Variants in NKAIN2 observed in about 807,000 individuals in gnomAD.
NKAIN2 encodes sodium/potassium-transporting ATPase subunit beta-1-interacting protein 2.
Under a neutral mutation model 32.6 loss-of-function variants are expected in NKAIN2, and 14 were observed. That is an observed-to-expected ratio of 0.43 (90% CI 0.28 to 0.67). The LOEUF (loss-of-function observed/expected upper bound fraction) is 0.67, where lower values mean the gene tolerates loss of function less well. NKAIN2 is among the 30% of genes least tolerant of loss of function. The pLI, the probability that NKAIN2 is intolerant of heterozygous loss-of-function variation, is 0.17. For synonymous variants in NKAIN2, 80 were observed against 87.2 expected, an observed-to-expected ratio of 0.92 and a Z score of 0.46; for missense variants, 198 against 258.3, an observed-to-expected ratio of 0.77 and a Z score of 1.60.
At chr6:124,353,096 TG>T (rs1407038089) in intron 2 of NKAIN2, among the ~76,000 whole-genome samples, 1 of 152,158 alleles carries the variant, frequency 6.6e-6, no homozygotes, top group East Asian at 1.9e-4. Flanking sequence ...GAGGGAAGAA[TG>T]GGTTCTGAAT....
Position 124,282,127 on chromosome 6 carries a change from G to A in NKAIN2, c.55-878G>A, listed in dbSNP as rs77273349. The A allele has an allele frequency of 3.9e-3, 935 of 242,770 alleles. 10 individuals carry two copies. The highest frequency in any genetic ancestry group is 0.021 in the African/African-American group (872 of 42,126). 15.0% of individuals were successfully genotyped at this position (242,770 alleles called of 1,614,324 possible). A position where few individuals can be genotyped will look rare whatever the true frequency, so the allele number is the denominator to read the frequency against. On this transcript the variant is annotated intron_variant, in intron 1 of 6. Coordinates refer to ENST00000368417, the MANE Select transcript of NKAIN2 (RefSeq NM_001040214.3). The stretch of plus-strand genomic sequence containing the variant: ...CTTTGGGATGTAAAATGGTACTTCC[G>A]GACTACCCACTAATCTCAGTTTGTT...
At chr6:124,247,250 A>G (rs926061468) in intron 1 of NKAIN2, among the ~76,000 whole-genome samples, 2 of 152,070 alleles carry the variant, frequency 1.3e-5, no homozygotes, top group Non-Finnish European at 2.9e-5. Flanking sequence ...CACCCCTGTG[A>G]TGTTTCTTTT....
intron 4 of NKAIN2, among the ~76,000 whole-genome samples, chr6:124,710,961 G>T (rs1467436145): frequency 1.3e-5 from 2 of 150,450 alleles, no homozygotes; most frequent in African/African-American, 4.9e-5. Context: ...TTTTGCAGTG[G>T]CTGGTACGGG....
chr6:124,287,649 C>T (rs1340551154), intron 2 of NKAIN2, among the ~76,000 whole-genome samples: 1 of 151,748 alleles, frequency 6.6e-6, no homozygotes, highest in Non-Finnish European at 1.5e-5. Context: ...ACATCAAATC[C>T]CAGAAAATAA....
intron 1 of NKAIN2, among the ~76,000 whole-genome samples, chr6:123,822,532 T>C (rs747391718): frequency 2.6e-5 from 4 of 152,150 alleles, no homozygotes; most frequent in Non-Finnish European, 4.4e-5. Context: ...GTGGTCGGTC[T>C]AGTTGAGTAT....
intron 3 of NKAIN2, among the ~76,000 whole-genome samples, chr6:124,602,400 C>T (rs772385545): frequency 1.1e-4 from 16 of 151,906 alleles, no homozygotes; most frequent in Admixed American, 5.9e-4. Context: ...CAAGTATAAA[C>T]GATGATTATT....
At chr6:123,946,447 C>T (rs1178505223) in intron 1 of NKAIN2, among the ~76,000 whole-genome samples, 1 of 152,060 alleles carries the variant, frequency 6.6e-6, no homozygotes, top group East Asian at 1.9e-4. Context: ...TCAAAATTCT[C>T]ACTGTGTTAA....
intron 1 of NKAIN2, among the ~76,000 whole-genome samples, chr6:124,199,142 G>A (rs59754423): frequency 0.089 from 13,596 of 152,130 alleles, 646 homozygotes; most frequent in Non-Finnish European, 0.11. Context: ...ATTGTAGTTA[G>A]ACGACAGGAT....
chr6:124,434,877 G>A (rs1562182557), intron 3 of NKAIN2, among the ~76,000 whole-genome samples: 1 of 151,954 alleles, frequency 6.6e-6, no homozygotes. Context: ...TGCAAAAGAT[G>A]GTCAGAGAAT....
At chr6:124,511,508 C>G (rs1778712763) in intron 3 of NKAIN2, among the ~76,000 whole-genome samples, 2 of 148,762 alleles carry the variant, frequency 1.3e-5, no homozygotes, top group South Asian at 4.4e-4. Context: ...CTTCAGTTTA[C>G]TGTGCTTGTC....
At chr6:124,265,721 G>A (rs955683030) in intron 1 of NKAIN2, among the ~76,000 whole-genome samples, 16 of 152,244 alleles carry the variant, frequency 1.1e-4, no homozygotes, top group South Asian at 6.2e-4. Flanking sequence ...CTGTAATTAC[G>A]TATGAGGCTT....
chr6:123,976,953 A>AAC (rs1333594734), intron 1 of NKAIN2, among the ~76,000 whole-genome samples: 172 of 86,838 alleles, frequency 2.0e-3, no homozygotes, highest in African/African-American at 6.0e-3. Flanking sequence ...GCACCTGATA[A>AAC]TTTTATCCAG....
In NKAIN2 at chr6:124,003,881, C is replaced by T. The variant is rs551916337; in HGVS notation, c.54+199627C>T. ...AGAGTACATGCTTAAATATCAGTGG[C>T]GCAAGGATCAGTATCAGGCCAGATT... is the stretch of plus-strand genomic sequence containing the variant. On this transcript the variant is annotated intron_variant, in intron 1 of 6. Coordinates refer to ENST00000368417, the MANE Select transcript of NKAIN2 (RefSeq NM_001040214.3). Among the ~76,000 whole-genome samples, 8 of 152,176 alleles carry T rather than the reference C, an allele frequency of 5.3e-5. No individual in the cohort carries two copies. The East Asian group carries it at 9.7e-4, about 18-fold the overall frequency.
intron 4 of NKAIN2, among the ~76,000 whole-genome samples, chr6:124,683,121 A>T (rs1773699647): frequency 6.6e-6 from 1 of 152,178 alleles, no homozygotes; most frequent in South Asian, 2.1e-4. Context: ...ATAAGTAAAT[A>T]CTTGACAGGT....
intron 1 of NKAIN2, among the ~76,000 whole-genome samples, chr6:123,924,658 C>T (rs756334335): frequency 3.0e-4 from 46 of 152,230 alleles, no homozygotes; most frequent in African/African-American, 4.6e-4. Flanking sequence ...TTCAGTTCAG[C>T]TTTCTGTGGC....
intron 4 of NKAIN2, among the ~76,000 whole-genome samples, chr6:124,738,902 CTTT>C (rs1351906598): frequency 6.6e-6 from 1 of 151,860 alleles, no homozygotes; most frequent in Non-Finnish European, 1.5e-5. Flanking sequence ...CAATTATTTT[CTTT>C]GTTATTCTTA....
intron 1 of NKAIN2, among the ~76,000 whole-genome samples, chr6:124,207,460 T>C (rs1373762378): frequency 6.6e-6 from 1 of 150,566 alleles, no homozygotes; most frequent in African/African-American, 2.4e-5. Context: ...TAATTTTCCA[T>C]ACTAGATAGT....
chr6:124,280,080 T>C (rs1469082463), intron 1 of NKAIN2, among the ~76,000 whole-genome samples: 1 of 152,174 alleles, frequency 6.6e-6, no homozygotes, highest in Non-Finnish European at 1.5e-5. Context: ...AGACTTCTTA[T>C]GTGAAAATAA....
At chr6:124,398,222 C>CCCAGTGCTGG (rs1346863906) in intron 3 of NKAIN2, among the ~76,000 whole-genome samples, 2 of 113,944 alleles carry the variant, frequency 1.8e-5, no homozygotes, top group African/African-American at 6.7e-5. Flanking sequence ...CACTGCACTC[C>CCCAGTGCTGG]AGCCTGGGTG....
Sources: allele counts gnomAD v4.1 joint callset (sites outside exome capture counted in the v4.1 genomes callset), GRCh38; gene constraint gnomAD v4.1.1; transcripts MANE v1.5; gene names NCBI Gene and HGNC (gene_info 2026-07-23, HGNC 2026-07-21).